CPA6: variants seen among roughly 807,000 people sequenced by gnomAD.
CPA6 encodes the protein carboxypeptidase A6.
CPA6 carries 58 observed loss-of-function variants against 63.3 expected under a neutral mutation model. The ratio of observed to expected loss-of-function variants is 0.92; its 90% CI spans 0.74 to 1.14. CPA6 has a LOEUF of 1.14. CPA6 is among the 50% of genes most tolerant of loss of function. CPA6 has a pLI of 0.00. For synonymous variants in CPA6, 185 were observed against 179.0 expected (o/e 1.03, Z -0.27); for missense variants, 565 against 526.6 (o/e 1.07, Z -0.71).
intron 1 of CPA6, among the ~76,000 whole-genome samples, chr8:67,664,792 G>C (rs1386783209): frequency 2.6e-5 from 4 of 152,092 alleles, no homozygotes; most frequent in African/African-American, 9.7e-5. Flanking sequence ...GCATAGGTCT[G>C]TCTCACCCAG....
Position 67,609,789 on chromosome 8 carries a change from A to G in CPA6, c.192+14387T>C, listed in dbSNP as rs1364368056. The stretch of plus-strand genomic sequence containing the variant: ...GTAATCCCAGCACTTTGGGAGGCCA[A>G]GGCAGGTGGATCACTTGAGGTCAGG... On this transcript the variant is annotated intron_variant, in intron 2 of 10. Coordinates refer to ENST00000297770, the MANE Select transcript of CPA6 (RefSeq NM_020361.5). Among the ~76,000 whole-genome samples, 3 of 152,200 alleles carry G rather than the reference A, an allele frequency of 2.0e-5. No homozygotes were observed. The East Asian group carries it at 5.8e-4, about 29-fold the overall frequency.
intron 8 of CPA6, among the ~76,000 whole-genome samples, chr8:67,446,128 T>C (rs1810407220): frequency 6.6e-6 from 1 of 151,696 alleles, no homozygotes; most frequent in South Asian, 2.1e-4. Context: ...TAGCCGGGCG[T>C]GGTGGCAGGC....
At chr8:67,649,308 T>C (rs1047056300) in intron 1 of CPA6, among the ~76,000 whole-genome samples, 1 of 152,234 alleles carries the variant, frequency 6.6e-6, no homozygotes, top group Non-Finnish European at 1.5e-5. Flanking sequence ...ATCCAAATTA[T>C]CAGTGACAAC....
At chr8:67,527,588 GCT>G (rs1812391685) in intron 2 of CPA6, among the ~76,000 whole-genome samples, 1 of 152,112 alleles carries the variant, frequency 6.6e-6, no homozygotes, top group African/African-American at 2.4e-5. Context: ...GACTTAATGT[GCT>G]TTTTTGAGTG....
intron 8 of CPA6, among the ~76,000 whole-genome samples, chr8:67,444,113 TC>T (rs1485537249): frequency 1.3e-5 from 2 of 151,164 alleles, no homozygotes; most frequent in African/African-American, 2.4e-5. Context: ...TGCCTCAGCC[TC>T]CGGAGTAGCT....
intron 2 of CPA6, among the ~76,000 whole-genome samples, chr8:67,611,674 G>A (rs546139214): frequency 1.3e-5 from 2 of 152,286 alleles, no homozygotes; most frequent in South Asian, 4.1e-4. Flanking sequence ...AAGACACTGG[G>A]AAGGAAGGAA....
chr8:67,651,676 G>A (rs887889078), intron 1 of CPA6, among the ~76,000 whole-genome samples: 1 of 151,970 alleles, frequency 6.6e-6, no homozygotes, highest in Admixed American at 6.6e-5. Context: ...CCTGTAAAAC[G>A]ACATGTTGAG....
chr8:67,513,095 A>G (rs1812074647), intron 3 of CPA6, among the ~76,000 whole-genome samples: 1 of 152,186 alleles, frequency 6.6e-6, no homozygotes, highest in African/African-American at 2.4e-5. Context: ...AAATCGAGGT[A>G]AGGTGAGGTG....
chr8:67,716,040 G>A (rs1379615842), intron 1 of CPA6, among the ~76,000 whole-genome samples: 1 of 151,188 alleles, frequency 6.6e-6, no homozygotes, highest in Non-Finnish European at 1.5e-5. Flanking sequence ...TGCAATCCCA[G>A]CTACTCAAAA....
chr8:67,533,082 G>A (rs1201184268), intron 2 of CPA6, among the ~76,000 whole-genome samples: 2 of 152,094 alleles, frequency 1.3e-5, no homozygotes, highest in Non-Finnish European at 2.9e-5. Flanking sequence ...TAATAAAATC[G>A]TCCTTTGTTA....
In CPA6 at chr8:67,517,872, G is replaced by A. The variant is rs780493081; in HGVS notation, c.317+51C>T. ...AATAACCTAAATACAACTACCATTTGGTTCAGTTTAGTACCAATAAATTTT... is the reference window on the plus strand; with the variant it reads ...AATAACCTAAATACAACTACCATTTAGTTCAGTTTAGTACCAATAAATTTT... On this transcript the variant is annotated intron_variant, in intron 3 of 10. Transcript: ENST00000297770. 2.0e-5 allele frequency: 30 copies of A among 1,507,532 alleles called. No homozygotes were observed. In the East Asian group the frequency reaches 5.4e-4, roughly 27 times the overall value. 93.4% of individuals were successfully genotyped at this position (1,507,532 alleles called of 1,614,324 possible). A position where few individuals can be genotyped will look rare whatever the true frequency, so the allele number is the denominator to read the frequency against.
At chr8:67,662,453 T>G (rs1368263811) in intron 1 of CPA6, among the ~76,000 whole-genome samples, 1 of 149,638 alleles carries the variant, frequency 6.7e-6, no homozygotes, top group Non-Finnish European at 1.5e-5. Context: ...TATGTATATA[T>G]AGAATACATA....
At chr8:67,590,916 T>G (rs569378744) in intron 2 of CPA6, among the ~76,000 whole-genome samples, 93 of 152,318 alleles carry the variant, frequency 6.1e-4, no homozygotes, top group Non-Finnish European at 1.1e-3. Flanking sequence ...AATTTTGGCT[T>G]TTGTTGCCAT....
chr8:67,715,279 T>C (rs1817353992), intron 1 of CPA6, among the ~76,000 whole-genome samples: 1 of 152,234 alleles, frequency 6.6e-6, no homozygotes, highest in African/African-American at 2.4e-5. Context: ...GCCTCCTATA[T>C]TTCTGACCAA....
rs115881941 is a variant in CPA6, at chr8:67,719,097, C to A, written c.116+26917G>T. Among the ~76,000 whole-genome samples, 883 of 152,212 alleles carry A rather than the reference C, an allele frequency of 5.8e-3. 11 individuals are homozygous for A. The highest frequency in any genetic ancestry group is 0.02 in the African/African-American group (826 of 41,536). On this transcript the variant is annotated intron_variant, in intron 1 of 10. Transcript: ENST00000297770. Reference sequence around the variant, plus strand: ...CAAGACAACAAGCTAGGCTCCAAATCTAGTCAAAGCAATACATCTTTTTGG... The same window carrying A: ...CAAGACAACAAGCTAGGCTCCAAATATAGTCAAAGCAATACATCTTTTTGG...
At chr8:67,735,411 T>C (rs1817792605) in intron 1 of CPA6, 1 of 152,240 alleles carries the variant, frequency 6.6e-6, no homozygotes, top group Non-Finnish European at 1.5e-5. Flanking sequence ...GATGAGGAGA[T>C]GGCACCTCCA....
intron 1 of CPA6, among the ~76,000 whole-genome samples, chr8:67,653,592 T>G (rs1815903315): frequency 6.6e-6 from 1 of 152,270 alleles, no homozygotes. Flanking sequence ...ACATTGATTT[T>G]GTATCCTGAG....
intron 6 of CPA6, among the ~76,000 whole-genome samples, chr8:67,494,262 A>T (rs1361466155): frequency 6.6e-6 from 1 of 152,064 alleles, no homozygotes; most frequent in Non-Finnish European, 1.5e-5. Context: ...ATTAAATACT[A>T]TACTAAAATA....
At chr8:67,530,791 G>A (rs2128968920) in intron 2 of CPA6, among the ~76,000 whole-genome samples, 1 of 152,306 alleles carries the variant, frequency 6.6e-6, no homozygotes, top group South Asian at 2.1e-4. Context: ...AATAGCCTCA[G>A]CTAAAGAGTG....
Sources: allele counts gnomAD v4.1 joint callset (sites outside exome capture counted in the v4.1 genomes callset), GRCh38; gene constraint gnomAD v4.1.1; transcripts MANE v1.5; gene names NCBI Gene and HGNC (gene_info 2026-07-23, HGNC 2026-07-21).